Variants in SLC9B2 observed in about 807,000 individuals in gnomAD.
SLC9B2 encodes the protein solute carrier family 9 member B2.
Under a neutral mutation model 52.2 loss-of-function variants are expected in SLC9B2, and 39 were observed. The observed-to-expected ratio is 0.75, with a 90% CI of 0.58 to 0.98. The LOEUF is 0.98. SLC9B2 is among the 50% of genes least tolerant of loss of function. The pLI, the probability that SLC9B2 is intolerant of heterozygous loss-of-function variation, is 0.00. For missense variants in SLC9B2, 626 were observed against 637.5 expected, an observed-to-expected ratio of 0.98 and a Z score of 0.19; for synonymous variants, 214 against 227.0, an observed-to-expected ratio of 0.94 and a Z score of 0.51.
At chr4:103,032,942 G>T (rs548971999) in intron 9 of SLC9B2, among the ~76,000 whole-genome samples, 1 of 152,272 alleles carries the variant, frequency 6.6e-6, no homozygotes, top group South Asian at 2.1e-4. Flanking sequence ...ATAGCCATAG[G>T]TGCTATTCTC....
At chr4:103,061,802 C>T (rs1745670465) in intron 3 of SLC9B2, among the ~76,000 whole-genome samples, 1 of 152,178 alleles carries the variant, frequency 6.6e-6, no homozygotes, top group Non-Finnish European at 1.5e-5. Flanking sequence ...TTTCAAAAGA[C>T]TTAAAACATT....
At chr4:103,034,019 G>A (rs1040700921) in intron 9 of SLC9B2, among the ~76,000 whole-genome samples, 6 of 152,028 alleles carry the variant, frequency 3.9e-5, no homozygotes, top group Admixed American at 2.6e-4. Flanking sequence ...AGCAAAAGGA[G>A]CAAATCCAGG....
intron 9 of SLC9B2, among the ~76,000 whole-genome samples, chr4:103,032,696 C>T (rs58094948): frequency 1.3e-5 from 2 of 152,150 alleles, no homozygotes; most frequent in Admixed American, 1.3e-4. Flanking sequence ...CCAGCAGCAC[C>T]TAGTGGCCAT....
At chr4:103,020,859 C>A, downstream of SLC9B2, among the ~76,000 whole-genome samples, 1 of 152,134 alleles carries the variant, frequency 6.6e-6, no homozygotes, top group East Asian at 1.9e-4. Flanking sequence ...AACTCCTGGA[C>A]TTAAGTGATC....
At chr4:103,073,988 G>A (rs1245472169) in intron 1 of SLC9B2, among the ~76,000 whole-genome samples, 1 of 152,174 alleles carries the variant, frequency 6.6e-6, no homozygotes, top group African/African-American at 2.4e-5. Flanking sequence ...TATTGGCTAA[G>A]GAGTGAGCAT....
At chr4:103,061,909 C>G (rs575304653) in intron 3 of SLC9B2, among the ~76,000 whole-genome samples, 3 of 152,226 alleles carry the variant, frequency 2.0e-5, no homozygotes, top group African/African-American at 7.2e-5. Context: ...TTTCTAAACC[C>G]TCACAGAATT....
upstream of SLC9B2, chr4:103,077,317 T>C (rs908343750): frequency 6.6e-6 from 1 of 152,214 alleles, no homozygotes; most frequent in African/African-American, 2.4e-5. Context: ...CTTCAGATCA[T>C]CTGAAATGAT....
intron 3 of SLC9B2, among the ~76,000 whole-genome samples, chr4:103,060,203 G>A (rs1441295422): frequency 1.3e-5 from 2 of 150,256 alleles, no homozygotes; most frequent in Non-Finnish European, 3.0e-5. Flanking sequence ...CTTTTTCCAT[G>A]TTGCTAACCC....
At chr4:103,057,273 T>TATACAC (rs1220375909) in intron 4 of SLC9B2, among the ~76,000 whole-genome samples, 28 of 143,280 alleles carry the variant, frequency 2.0e-4, no homozygotes, top group African/African-American at 4.7e-4. Flanking sequence ...TATATATATA[T>TATACAC]ACACACACAC....
intron 6 of SLC9B2, chr4:103,048,564 A>T (rs1390473746): frequency 5.7e-6 from 1 of 174,098 alleles, no homozygotes; most frequent in Non-Finnish European, 1.2e-5. Context: ...GGAAAACAAT[A>T]GTAGCTGTTG....
chr4:103,057,936 A>C lies in SLC9B2; in HGVS notation c.307T>G (p.Ser103Ala). The stretch of plus-strand genomic sequence containing the variant: ...GGAAGACATTCACTGCCAGTAATTG[A>C]CCAAACTACAGCCCACAGAAGAACA... Reference protein sequence around the residue: ...IIVLLWAVVWSITGSECLPGG... With the variant: ...IIVLLWAVVWAITGSECLPGG... The change falls in exon 4 of 12, where the codon TCA becomes GCA. Residue 103 changes from serine to alanine, a missense_variant. Ser to Ala is a moderately conservative substitution (Grantham distance 99, BLOSUM62 1). Transcript: ENST00000394785. 6.2e-7 allele frequency: 1 copy of C among 1,613,826 alleles called. No individual in the cohort carries two copies.
chr4:103,034,292 T>C (rs1335023571), intron 9 of SLC9B2, among the ~76,000 whole-genome samples: 1 of 152,072 alleles, frequency 6.6e-6, no homozygotes, highest in Non-Finnish European at 1.5e-5. Context: ...TTACAACGTA[T>C]ACAAAAATAA....
chr4:103,033,311 A>G (rs1272280838), intron 9 of SLC9B2, among the ~76,000 whole-genome samples: 1 of 152,168 alleles, frequency 6.6e-6, no homozygotes, highest in Non-Finnish European at 1.5e-5. Flanking sequence ...ACCCAGAGAC[A>G]GCATCATCAT....
Position 103,076,343 on chromosome 4 carries a change from G to C in SLC9B2, c.-202C>G, listed in dbSNP as rs533194706. 3 of 152,380 alleles carry C rather than the reference G, an allele frequency of 2.0e-5. No individual in the cohort carries two copies. The highest frequency in any genetic ancestry group is 1.3e-4 in the Admixed American group (2 of 15,312). 9.4% of individuals were successfully genotyped at this position (152,380 alleles called of 1,614,324 possible). A position where few individuals can be genotyped will look rare whatever the true frequency, so the allele number is the denominator to read the frequency against. On this transcript the variant is annotated 5_prime_UTR_variant, in exon 1 of 12. Transcript: ENST00000394785. ...GAGGCTGCGTTGACTGCAGATAAAC[G>C]GTCTCAGGGCGCGGCACCGCGTGTA...
chr4:103,044,756 A>G (rs1044311785), intron 8 of SLC9B2, 134 bp downstream of exon 8: 1 of 719,868 alleles, frequency 1.4e-6, no homozygotes, highest in Non-Finnish European at 2.5e-6. Flanking sequence ...TCTCATGGAT[A>G]GCAGTAAGCA....
chr4:103,053,894 G>A (rs1013496305), intron 4 of SLC9B2, among the ~76,000 whole-genome samples: 5 of 151,934 alleles, frequency 3.3e-5, no homozygotes, highest in Admixed American at 6.6e-5. Flanking sequence ...TAGTAGAGAC[G>A]GGGTTTCATC....
intron 1 of SLC9B2, among the ~76,000 whole-genome samples, chr4:103,073,187 G>A (rs1015152350): frequency 6.6e-6 from 1 of 152,126 alleles, no homozygotes; most frequent in African/African-American, 2.4e-5. Context: ...GTGGTATTTT[G>A]TTACAGTAAC....
At chr4:103,072,884 C>T (rs962043658) in intron 1 of SLC9B2, among the ~76,000 whole-genome samples, 1 of 152,092 alleles carries the variant, frequency 6.6e-6, no homozygotes, top group Non-Finnish European at 1.5e-5. Context: ...GAGGGAGGTA[C>T]TTTGGGGAAG....
chr4:103,047,812 C>A (rs1221707302), intron 6 of SLC9B2, among the ~76,000 whole-genome samples: 1 of 152,022 alleles, frequency 6.6e-6, no homozygotes, highest in East Asian at 1.9e-4. Context: ...TACAGTCTTT[C>A]AAATGGCAGA....
Sources: allele counts gnomAD v4.1 joint callset (sites outside exome capture counted in the v4.1 genomes callset), GRCh38; gene constraint gnomAD v4.1.1; transcripts MANE v1.5; gene names NCBI Gene and HGNC (gene_info 2026-07-23, HGNC 2026-07-21).